DPP10: variants seen among roughly 807,000 people sequenced by gnomAD.
The protein encoded by DPP10 is dipeptidyl peptidase like 10.
DPP10 carries 33 observed loss-of-function variants against 120.9 expected under a neutral mutation model. The ratio of observed to expected loss-of-function variants is 0.27; its 90% CI spans 0.21 to 0.37. The LOEUF (loss-of-function observed/expected upper bound fraction) is 0.37, where lower values mean the gene tolerates loss of function less well. Among genes scored for constraint, DPP10 ranks in the 10% least tolerant of loss-of-function variants. The pLI, the probability that DPP10 is intolerant of heterozygous loss-of-function variation, is 1.00. For missense variants in DPP10, 816 were observed against 942.8 expected (o/e 0.87, Z 1.76); for synonymous variants, 337 against 326.1 (o/e 1.03, Z -0.36).
In DPP10 at chr2:114,762,134, C is replaced by T. The variant is rs181872275; in HGVS notation, c.60+319296C>T. Among the ~76,000 whole-genome samples the T allele has an allele frequency of 8.5e-5, 13 of 152,320 alleles. No individual in the cohort carries two copies. In the East Asian group the frequency reaches 2.5e-3, roughly 29 times the overall value. On this transcript the variant is annotated intron_variant, in intron 1 of 25. Transcript: ENST00000410059. ...TTGCTTCTCCTGTATCCACCACCTT[C>T]TTAGCTTTAATTACATGGTTTGGCA... is the stretch of plus-strand genomic sequence containing the variant.
intron 1 of DPP10, among the ~76,000 whole-genome samples, chr2:114,719,180 G>T (rs556031002): frequency 1.3e-5 from 2 of 152,282 alleles, no homozygotes; most frequent in African/African-American, 4.8e-5. Flanking sequence ...CTTTTGTGAG[G>T]TTTCAATTTA....
chr2:114,705,960 AG>A lies in DPP10; in HGVS notation c.60+263125del, dbSNP rs1253980875. ...TAGCAAAGTAGCTCTATTTGTTCCA[AG>A]GGTTCATATGAATATTCCACACTGA... On this transcript the variant is annotated intron_variant, in intron 1 of 25. Transcript: ENST00000410059. Among the ~76,000 whole-genome samples the A allele has an allele frequency of 2.0e-5, 3 of 152,280 alleles. No homozygotes were observed. The East Asian group carries it at 5.8e-4, about 29-fold the overall frequency.
chr2:114,847,631 T>C (rs1305417547), intron 1 of DPP10, among the ~76,000 whole-genome samples: 1 of 152,170 alleles, frequency 6.6e-6, no homozygotes, highest in Non-Finnish European at 1.5e-5. Context: ...TACGTGAGTG[T>C]ATCTAGAGAC....
intron 5 of DPP10, among the ~76,000 whole-genome samples, chr2:115,670,318 T>A (rs1354677569): frequency 6.6e-6 from 1 of 152,074 alleles, no homozygotes; most frequent in Non-Finnish European, 1.5e-5. Flanking sequence ...AAAACAAAAA[T>A]GACTATTGTA....
At chr2:115,521,186 A>G (rs568468542) in intron 4 of DPP10, among the ~76,000 whole-genome samples, 16 of 152,352 alleles carry the variant, frequency 1.1e-4, no homozygotes, top group African/African-American at 3.6e-4. Flanking sequence ...ATGCACATTT[A>G]AAGAATACAA....
intron 21 of DPP10, among the ~76,000 whole-genome samples, chr2:115,834,269 CAA>C (rs1689220493): frequency 1.3e-5 from 2 of 152,134 alleles, no homozygotes; most frequent in African/African-American, 4.8e-5. Context: ...TTTCTTACTT[CAA>C]GAGTTTAGTG....
intron 1 of DPP10, among the ~76,000 whole-genome samples, chr2:115,001,998 A>C (rs1701472323): frequency 6.6e-6 from 1 of 152,140 alleles, no homozygotes; most frequent in Non-Finnish European, 1.5e-5. Context: ...TACCAAACTA[A>C]CAATGACATT....
At chr2:115,788,701 A>T (rs6727058) in intron 17 of DPP10, among the ~76,000 whole-genome samples, 1 of 152,140 alleles carries the variant, frequency 6.6e-6, no homozygotes, top group Non-Finnish European at 1.5e-5. Flanking sequence ...GAAGAAATAC[A>T]GTATATAAAT....
In DPP10 at chr2:114,833,105, A is replaced by G. The variant is rs1190278966; in HGVS notation, c.60+390267A>G. Among the ~76,000 whole-genome samples, 6 of 152,096 alleles carry G rather than the reference A, an allele frequency of 3.9e-5. No individual in the cohort carries two copies. In the South Asian group the frequency reaches 6.2e-4, roughly 16 times the overall value. ...GGATTAAAATCTTGGCATTCTACTCATTTAACTGTATTTATCTATGGCATT... is the reference window on the plus strand; with the variant it reads ...GGATTAAAATCTTGGCATTCTACTCGTTTAACTGTATTTATCTATGGCATT... On this transcript the variant is annotated intron_variant, in intron 1 of 25. Transcript: ENST00000410059.
At chr2:114,973,662 A>AAAAAAAAG (rs1699550770) in intron 1 of DPP10, among the ~76,000 whole-genome samples, 1 of 10,676 alleles carries the variant, frequency 9.4e-5, no homozygotes, top group African/African-American at 2.6e-4. Context: ...ACTCCGTCTC[A>AAAAAAAAG]AAAAAAAAAA....
intron 3 of DPP10, among the ~76,000 whole-genome samples, chr2:115,390,383 A>G (rs2067239813): frequency 6.6e-6 from 1 of 152,158 alleles, no homozygotes; most frequent in Admixed American, 6.6e-5. Flanking sequence ...GAGAGATGGC[A>G]TTTCTGTTGA....
intron 1 of DPP10, among the ~76,000 whole-genome samples, chr2:114,740,418 T>A (rs1677921085): frequency 6.8e-6 from 1 of 146,152 alleles, no homozygotes; most frequent in Non-Finnish European, 1.5e-5. Flanking sequence ...AATGACGAGT[T>A]AATGGGTGCA....
intron 3 of DPP10, among the ~76,000 whole-genome samples, chr2:115,438,737 GAA>G (rs2071739881): frequency 6.6e-6 from 1 of 150,422 alleles, no homozygotes; most frequent in Non-Finnish European, 1.5e-5. Flanking sequence ...GATGGTCATG[GAA>G]GCACAATGTG....
At chr2:115,812,991 T>C (rs954599336) in intron 19 of DPP10, among the ~76,000 whole-genome samples, 1 of 53,576 alleles carries the variant, frequency 1.9e-5, no homozygotes, top group Admixed American at 2.4e-4. Context: ...TTTTTTTTTT[T>C]TGAGACGGAG....
intron 1 of DPP10, among the ~76,000 whole-genome samples, chr2:115,030,377 A>G (rs1413902126): frequency 1.3e-5 from 2 of 152,172 alleles, no homozygotes; most frequent in African/African-American, 4.8e-5. Context: ...GGAATTGTGT[A>G]TCAATCTTAA....
chr2:114,925,241 G>A (rs901418305), intron 1 of DPP10, among the ~76,000 whole-genome samples: 4 of 151,182 alleles, frequency 2.6e-5, no homozygotes, highest in South Asian at 2.1e-4. Context: ...AATCAGTCAG[G>A]TAGTGATTAA....
At chr2:115,840,969 T>G in intron 25 of DPP10, 146 bp downstream of exon 25, 1 of 603,520 alleles carries the variant, frequency 1.7e-6, no homozygotes, top group Non-Finnish European at 2.7e-6. Flanking sequence ...TCTCTGTTCC[T>G]GATTACACCG....
At chr2:115,627,587 A>G (rs1211935992) in intron 5 of DPP10, among the ~76,000 whole-genome samples, 1 of 152,164 alleles carries the variant, frequency 6.6e-6, no homozygotes, top group Non-Finnish European at 1.5e-5. Flanking sequence ...TTACATAGGT[A>G]AACGTGTGCT....
Position 115,166,696 on chromosome 2 carries a change from T to C in DPP10, c.61-142543T>C, listed in dbSNP as rs565701162. Among the ~76,000 whole-genome samples the C allele has an allele frequency of 1.1e-4, 16 of 151,298 alleles. No individual in the cohort carries two copies. The South Asian group carries it at 3.3e-3, about 31-fold the overall frequency. On this transcript the variant is annotated intron_variant, in intron 1 of 25. Coordinates refer to ENST00000410059, the MANE Select transcript of DPP10 (RefSeq NM_020868.6). ...TTCAGGATCTGAGCAAATGGTACAT[T>C]TTAAAAAGATTAAATTATATAAAAC...
Sources: gnomAD v4.1 joint callset for allele counts (sites outside exome capture counted in the v4.1 genomes callset) on GRCh38, gnomAD v4.1.1 for gene constraint, MANE v1.5 for transcripts, NCBI Gene and HGNC (gene_info 2026-07-23, HGNC 2026-07-21) for gene names.